TRDMT1: variants seen among roughly 807,000 people sequenced by gnomAD.
TRDMT1 encodes tRNA (cytosine(38)-C(5))-methyltransferase.
A neutral mutation model predicts 51.2 loss-of-function variants in TRDMT1; 49 were observed. The ratio of observed to expected loss-of-function variants is 0.96; its 90% confidence interval spans 0.76 to 1.21. The LOEUF (loss-of-function observed/expected upper bound fraction) is 1.21. TRDMT1 is among the 50% of genes most tolerant of loss of function. The probability of loss-of-function intolerance (pLI) is 0.00; values close to 1 mark genes in which losing one functional copy is unlikely to be tolerated. For missense variants in TRDMT1, 534 were observed against 462.3 expected (o/e 1.16, Z -1.42); for synonymous variants, 187 against 164.6 (o/e 1.14, Z -1.04).
At chr10:17,157,986 A>T (rs2131409843) in intron 7 of TRDMT1, among the ~76,000 whole-genome samples, 1 of 152,302 alleles carries the variant, frequency 6.6e-6, no homozygotes, top group Non-Finnish European at 1.5e-5. Flanking sequence ...CAGGCTGCAG[A>T]TGATTTATTT....
In TRDMT1 at chr10:17,148,180, G is replaced by C. The variant is rs1461448079; in HGVS notation, c.*860C>G. 2.0e-6 allele frequency: 2 copies of C among 985,268 alleles called. No homozygotes were observed. The highest frequency in any genetic ancestry group is 3.5e-5 in the African/African-American group (2 of 57,214). 61.0% of individuals were successfully genotyped at this position (985,268 alleles called of 1,614,324 possible). On this transcript the variant is annotated 3_prime_UTR_variant, in exon 11 of 11. Coordinates refer to ENST00000377799, the MANE Select transcript of TRDMT1 (RefSeq NM_004412.7). ...TAAAAGTCATAAAAGTTCATTGAGA[G>C]TGTATGTTGCTACAATAAAGAACAA...
rs1370795672 is a variant in TRDMT1, at chr10:17,167,893, G to T, written c.251+948C>A. Reference sequence around the variant, plus strand: ...GTACTTTGGGCTGGAAATAAACATTGTGTCTTAGGTAAGTATAAAAGAGGT... The same window carrying T: ...GTACTTTGGGCTGGAAATAAACATTTTGTCTTAGGTAAGTATAAAAGAGGT... On this transcript the variant is annotated intron_variant, in intron 3 of 10. Coordinates refer to ENST00000377799, the MANE Select transcript of TRDMT1 (RefSeq NM_004412.7). Among the ~76,000 whole-genome samples, 5 of 152,274 alleles carry T rather than the reference G, an allele frequency of 3.3e-5. 1 individual carries two copies. The South Asian group carries it at 8.3e-4, about 25-fold the overall frequency.
intron 3 of TRDMT1, among the ~76,000 whole-genome samples, chr10:17,167,429 T>C (rs1287525157): frequency 1.3e-5 from 2 of 152,200 alleles, no homozygotes. Flanking sequence ...TGTAAAATCA[T>C]TGTAACAGCA....
intron 1 of TRDMT1, among the ~76,000 whole-genome samples, chr10:17,187,089 G>C (rs1428094186): frequency 6.6e-6 from 1 of 152,062 alleles, no homozygotes. Flanking sequence ...GCCCAGTAGA[G>C]CAAAATCTCT....
At position 17,143,788 on chromosome 10, in the gene TRDMT1, G is replaced by A; in HGVS notation, c.*5252C>T. ...AATGGAATGCAGAGTGAGAAGGAAG[G>A]TGAAGATGATCTTTGGTTATGAAGC... On this transcript the variant is annotated 3_prime_UTR_variant, in exon 11 of 11. Coordinates refer to ENST00000377799, the MANE Select transcript of TRDMT1 (RefSeq NM_004412.7). The A allele has an allele frequency of 1.0e-6, 1 of 985,434 alleles. No homozygotes were observed. Among genetic ancestry groups the A allele is most frequent in the African/African-American group, 1.7e-5 (1 of 57,336 alleles). 61.0% of individuals were successfully genotyped at this position (985,434 alleles called of 1,614,324 possible).
intron 7 of TRDMT1, 81 bp from the exon 8 acceptor site, chr10:17,157,865 G>C: frequency 4.5e-6 from 5 of 1,112,822 alleles, no homozygotes; most frequent in Non-Finnish European, 6.3e-6. Flanking sequence ...TCAACATTAC[G>C]AAAACAACCT....
intron 1 of TRDMT1, among the ~76,000 whole-genome samples, chr10:17,187,929 T>C (rs1051121434): frequency 1.3e-5 from 2 of 152,224 alleles, no homozygotes; most frequent in Admixed American, 6.5e-5. Context: ...TTTAAGGATG[T>C]AGCCAAAATA....
chr10:17,195,837 C>T (rs766081892), intron 1 of TRDMT1, among the ~76,000 whole-genome samples: 12 of 151,998 alleles, frequency 7.9e-5, no homozygotes, highest in Non-Finnish European at 1.5e-4. Context: ...CAACTTTTTA[C>T]GTTGCTTCAC....
At chr10:17,181,221 T>C (rs1427349740) in intron 1 of TRDMT1, among the ~76,000 whole-genome samples, 2 of 152,122 alleles carry the variant, frequency 1.3e-5, no homozygotes, top group African/African-American at 4.8e-5. Flanking sequence ...AGAGTGGTAG[T>C]TCCCTATGCT....
intron 1 of TRDMT1, among the ~76,000 whole-genome samples, chr10:17,195,068 A>G (rs1029220814): frequency 2.0e-5 from 3 of 152,170 alleles, no homozygotes; most frequent in African/African-American, 4.8e-5. Context: ...AAATTTCTCA[A>G]AGAACTTAAA....
Position 17,144,706 on chromosome 10 carries a change from G to A in TRDMT1, c.*4334C>T. 1.0e-6 allele frequency: 1 copy of A among 985,334 alleles called. No homozygotes were observed. Among genetic ancestry groups the A allele is most frequent in the Non-Finnish European group, 1.2e-6 (1 of 829,914 alleles). The allele number at this position is 985,334 out of a possible 1,614,324, so 61.0% of individuals were successfully genotyped here. A position where few individuals can be genotyped will look rare whatever the true frequency, so the allele number is the denominator to read the frequency against. ...AAGACATGAATGGTGATGGAGTTTGGATCTTGATTGTGTAAGATTTTGAAG... is the reference window on the plus strand; with the variant it reads ...AAGACATGAATGGTGATGGAGTTTGAATCTTGATTGTGTAAGATTTTGAAG... On this transcript the variant is annotated 3_prime_UTR_variant, in exon 11 of 11. Coordinates refer to ENST00000377799, the MANE Select transcript of TRDMT1 (RefSeq NM_004412.7).
chr10:17,188,994 C>G (rs1844324695), intron 1 of TRDMT1, among the ~76,000 whole-genome samples: 3 of 152,118 alleles, frequency 2.0e-5, no homozygotes, highest in Non-Finnish European at 4.4e-5. Flanking sequence ...TGAGTGACCT[C>G]AATAAGCATC....
intron 4 of TRDMT1, 73 bp downstream of exon 4, chr10:17,162,093 G>C: frequency 7.4e-7 from 1 of 1,352,016 alleles, no homozygotes; most frequent in Non-Finnish European, 1.0e-6. Flanking sequence ...TCTACAAAAT[G>C]ACAAACGTCA....
intron 6 of TRDMT1, among the ~76,000 whole-genome samples, chr10:17,160,034 G>A (rs551761909): frequency 2.0e-4 from 30 of 152,030 alleles, no homozygotes; most frequent in African/African-American, 5.8e-4. Context: ...CAAACTTGAC[G>A]TATTTTCAAA....
chr10:17,169,607 C>G (rs1841697726), intron 2 of TRDMT1: 2 of 995,742 alleles, frequency 2.0e-6, no homozygotes, highest in Non-Finnish European at 2.8e-6. Context: ...TAAGCACTCT[C>G]AGTGCACATC....
At chr10:17,172,600 C>A (rs182958497) in intron 2 of TRDMT1, among the ~76,000 whole-genome samples, 1 of 152,066 alleles carries the variant, frequency 6.6e-6, no homozygotes, top group East Asian at 1.9e-4. Context: ...CCACATATAA[C>A]CAACAAGAGA....
At chr10:17,164,859 G>T (rs1010453339) in intron 3 of TRDMT1, among the ~76,000 whole-genome samples, 1 of 152,130 alleles carries the variant, frequency 6.6e-6, no homozygotes, top group Non-Finnish European at 1.5e-5. Flanking sequence ...ACTGCTCAAT[G>T]ACATAAAAGA....
In TRDMT1 at chr10:17,143,037, C is replaced by G; in HGVS notation, c.*6003G>C. The G allele has an allele frequency of 1.0e-6, 1 of 985,422 alleles. No individual in the cohort carries two copies. The highest frequency in any genetic ancestry group is 1.2e-6 in the Non-Finnish European group (1 of 829,926). The allele number at this position is 985,422 out of a possible 1,614,324, so 61.0% of individuals were successfully genotyped here. A position where few individuals can be genotyped will look rare whatever the true frequency, so the allele number is the denominator to read the frequency against. ...TACTTTCCAAAAGCCAAAAGCCTAT[C>G]CCAGAATTATTTTTTAAATCATGTG... is the stretch of plus-strand genomic sequence containing the variant. On this transcript the variant is annotated 3_prime_UTR_variant, in exon 11 of 11. Coordinates refer to ENST00000377799, the MANE Select transcript of TRDMT1 (RefSeq NM_004412.7).
intron 1 of TRDMT1, chr10:17,201,352 C>T (rs1885396): frequency 0.51 from 258,650 of 511,750 alleles, 66,506 homozygotes; most frequent in South Asian, 0.57. Context: ...ATGTGCGGCC[C>T]CTCGAGCCAG....
Sources: gnomAD v4.1 joint callset for allele counts (sites outside exome capture counted in the v4.1 genomes callset) on GRCh38, gnomAD v4.1.1 for gene constraint, MANE v1.5 for transcripts, NCBI Gene and HGNC (gene_info 2026-07-23, HGNC 2026-07-21) for gene names.